The following DEDD2 variants were observed in gnomAD, a reference collection of about 807,000 sequenced individuals.
DEDD2 encodes DNA-binding death effector domain-containing protein 2.
DEDD2 carries 18 observed loss-of-function variants against 28.9 expected under a neutral mutation model. That is an observed-to-expected ratio of 0.62 (90% CI 0.43 to 0.92). The LOEUF (loss-of-function observed/expected upper bound fraction) is 0.92. Among genes scored for constraint, DEDD2 ranks in the 40% least tolerant of loss-of-function variants. The pLI is 0.00. For synonymous variants in DEDD2, 211 were observed against 206.1 expected (o/e 1.02, Z -0.20); for missense variants, 411 against 463.3 (o/e 0.89, Z 1.04).
At chr19:42,214,705 G>A (rs886876537) in intron 3 of DEDD2, among the ~76,000 whole-genome samples, 2 of 152,172 alleles carry the variant, frequency 1.3e-5, no homozygotes, top group Non-Finnish European at 2.9e-5. Flanking sequence ...CAAGGCCGCA[G>A]AGAGCTATGA....
chr19:42,205,615 A>G (rs1040208250), intron 4 of DEDD2, among the ~76,000 whole-genome samples: 5 of 151,692 alleles, frequency 3.3e-5, no homozygotes, highest in Non-Finnish European at 7.4e-5. Context: ...CAACAACAGC[A>G]AAACTCCATC....
upstream of DEDD2, among the ~76,000 whole-genome samples, chr19:42,218,750 C>A (rs1012094585): frequency 2.0e-5 from 3 of 152,220 alleles, no homozygotes; most frequent in African/African-American, 7.2e-5. Context: ...TCAAAAGAAT[C>A]GGCTGCGCGC....
upstream of DEDD2, chr19:42,220,044 C>G (rs2036101833): frequency 6.6e-6 from 1 of 152,420 alleles, no homozygotes; most frequent in Admixed American, 6.5e-5. Flanking sequence ...TCTCCCGCCG[C>G]CCAGTTCACT....
At position 42,217,015 on chromosome 19, in the gene DEDD2, G is replaced by A. The variant is rs571716394; in HGVS notation, c.-8C>T. 4 of 1,568,452 alleles carry A rather than the reference G, an allele frequency of 2.6e-6. No individual in the cohort carries two copies. In the South Asian group the frequency reaches 3.5e-5, roughly 14 times the overall value. ...CGACCCGGATAGCGCCATTCCCGGG[G>A]GAGGGAGGCGGAACAAGCTCAGAAC... On this transcript the variant is annotated 5_prime_UTR_variant, in exon 2 of 5. Coordinates refer to ENST00000596251, the MANE Select transcript of DEDD2 (RefSeq NM_133328.4).
At position 42,217,016 on chromosome 19, in the gene DEDD2, G is replaced by A. The variant is rs1253278957; in HGVS notation, c.-9C>T. 7.7e-6 allele frequency: 12 copies of A among 1,568,616 alleles called. No homozygotes were observed. In the South Asian group the frequency reaches 1.1e-4, roughly 14 times the overall value. On this transcript the variant is annotated 5_prime_UTR_variant, in exon 2 of 5. Transcript: ENST00000596251. ...GACCCGGATAGCGCCATTCCCGGGG[G>A]AGGGAGGCGGAACAAGCTCAGAACC...
chr19:42,218,376 C>G (rs2036062762), upstream of DEDD2, among the ~76,000 whole-genome samples: 1 of 151,766 alleles, frequency 6.6e-6, no homozygotes, highest in Non-Finnish European at 1.5e-5. Context: ...TGGCGTCCAT[C>G]ACGACCCCCA....
intron 3 of DEDD2, 69 bp from the exon 4 acceptor site, chr19:42,209,909 A>G: frequency 6.9e-7 from 1 of 1,455,882 alleles, no homozygotes; most frequent in Non-Finnish European, 9.1e-7. Flanking sequence ...GTATGCCTGG[A>G]AAAGAACTCA....
chr19:42,210,697 A>G (rs928840071), intron 3 of DEDD2, among the ~76,000 whole-genome samples: 2 of 152,040 alleles, frequency 1.3e-5, no homozygotes, highest in Admixed American at 1.3e-4. Context: ...GCCCAGCCCC[A>G]CACTTTAGTT....
intron 4 of DEDD2, among the ~76,000 whole-genome samples, chr19:42,206,399 C>T (rs113799285): frequency 2.0e-5 from 3 of 152,324 alleles, no homozygotes; most frequent in Admixed American, 6.5e-5. Context: ...TCTCCCACCA[C>T]AGCACAAGCT....
At chr19:42,201,540 G>A (rs1056621738) in intron 4 of DEDD2, among the ~76,000 whole-genome samples, 1 of 152,208 alleles carries the variant, frequency 6.6e-6, no homozygotes, top group African/African-American at 2.4e-5. Flanking sequence ...GCCACCTTCA[G>A]CCCACTTGAC....
In DEDD2 at chr19:42,199,700, C is replaced by T. The variant is rs764418215; in HGVS notation, c.719G>A (p.Arg240His). 5.0e-6 allele frequency: 8 copies of T among 1,614,132 alleles called. No homozygotes were observed. The highest frequency in any genetic ancestry group is 2.2e-5 in the East Asian group (1 of 44,880). ...DVFGQATAVL[R>H]SRDLGSVVCD... Reference sequence around the variant, plus strand: ...AACCACAGAGCCCAGGTCCCTTGAGCGCAGCACTGCGGTGGCCTGCCCAAA... The same window carrying T: ...AACCACAGAGCCCAGGTCCCTTGAGTGCAGCACTGCGGTGGCCTGCCCAAA... The change falls in exon 5 of 5, where the codon CGC becomes CAC. Residue 240 changes from arginine to histidine, a missense_variant. Around this residue, in one of 2 missense-constraint regions of DEDD2, gnomAD observed 129 missense variants for 189.9 expected, o/e 0.68. Transcript: ENST00000596251. This position sits in a 1 kb window ranked among gnomAD's most constrained non-coding sequence, Gnocchi z 7.4.
chr19:42,215,956 C>T (rs2035950588), intron 2 of DEDD2, among the ~76,000 whole-genome samples: 1 of 152,214 alleles, frequency 6.6e-6, no homozygotes, highest in African/African-American at 2.4e-5. Context: ...CCCTTCATGA[C>T]ATAACTTCTT....
intron 4 of DEDD2, among the ~76,000 whole-genome samples, chr19:42,203,027 C>G (rs2035392601): frequency 6.6e-6 from 1 of 152,216 alleles, no homozygotes; most frequent in Non-Finnish European, 1.5e-5. Context: ...TTGATTGTCC[C>G]CACAACAATC....
At chr19:42,208,185 G>A (rs955370874) in intron 4 of DEDD2, among the ~76,000 whole-genome samples, 3 of 152,098 alleles carry the variant, frequency 2.0e-5, no homozygotes, top group Non-Finnish European at 2.9e-5. Flanking sequence ...CAGTTGAGGC[G>A]GTGCTCATTG....
Position 42,215,203 on chromosome 19 carries a change from T to C in DEDD2, c.378A>G (p.Thr126=), listed in dbSNP as rs200135875. The change falls in exon 3 of 5, where the codon ACA becomes ACG. Residue 126 remains threonine (T), a synonymous_variant. Coordinates refer to ENST00000596251, the MANE Select transcript of DEDD2 (RefSeq NM_133328.4). ...GCCGACGGCGACGGCAGCTACCCTC[T>C]GTCCTCTTTGAAGAGCTGGAGGTGC... The part of the protein sequence containing the change: ...SYGTSSSSKR[T]EGSCRRRRQS... The C allele has an allele frequency of 5.6e-6, 9 of 1,614,168 alleles. No individual in the cohort carries two copies. Among genetic ancestry groups the C allele is most frequent in the East Asian group, 2.2e-5 (1 of 44,886 alleles).
chr19:42,210,566 T>C (rs1018953845), intron 3 of DEDD2, among the ~76,000 whole-genome samples: 3 of 151,900 alleles, frequency 2.0e-5, no homozygotes, highest in Non-Finnish European at 4.4e-5. Flanking sequence ...GCTAATTTTT[T>C]GTATTTTAAG....
In DEDD2 at chr19:42,199,757, C is replaced by T. The variant is rs910047380; in HGVS notation, c.662G>A (p.Arg221Gln). Residue 221 changes from arginine to glutamine, a missense_variant, in exon 5 of 5, where the codon CGG becomes CAG. Arg to Gln is a conservative substitution (Grantham distance 43). Coordinates refer to ENST00000596251, the MANE Select transcript of DEDD2 (RefSeq NM_133328.4). This position sits in a 1 kb window ranked among gnomAD's most constrained non-coding sequence, Gnocchi z 7.4. Reference protein sequence around the residue: ...PALEQGVASRRPQALARQLDV... With the variant: ...PALEQGVASRQPQALARQLDV... ...CAGCTGCCGCGCCAGCGCCTGGGGC[C>T]GCCGGGATGCCACGCCCTGCTCCAA... The T allele has an allele frequency of 9.9e-6, 16 of 1,611,866 alleles. No individual in the cohort carries two copies. The highest frequency in any genetic ancestry group is 6.7e-5 in the African/African-American group (5 of 74,892).
upstream of DEDD2, chr19:42,219,966 C>T (rs979947618): frequency 6.6e-6 from 1 of 152,196 alleles, no homozygotes; most frequent in Non-Finnish European, 1.5e-5. Flanking sequence ...CCAAGTGTGT[C>T]GGGCTCTAAA....
chr19:42,199,697 G>C lies in DEDD2; in HGVS notation c.722C>G (p.Ser241Ter), dbSNP rs2035247878. 6.2e-7 allele frequency: 1 copy of C among 1,614,014 alleles called. No homozygotes were observed. Among genetic ancestry groups the C allele is most frequent in the African/African-American group, 1.3e-5 (1 of 74,940 alleles). The change falls in exon 5 of 5, where the codon TCA becomes TGA. Residue 241 changes from serine (S) to a stop codon, truncating the protein, a stop_gained. Coordinates refer to ENST00000596251, the MANE Select transcript of DEDD2 (RefSeq NM_133328.4). LOFTEE classifies it high-confidence loss of function. The surrounding 1 kb of genome is among the most constrained non-coding windows in gnomAD (Gnocchi z 7.4). ...ACAAACCACAGAGCCCAGGTCCCTT[G>C]AGCGCAGCACTGCGGTGGCCTGCCC... is the stretch of plus-strand genomic sequence containing the variant. ...VFGQATAVLR[S>*]RDLGSVVCDI...
Sources: allele counts gnomAD v4.1 joint callset (sites outside exome capture counted in the v4.1 genomes callset), GRCh38; gene constraint gnomAD v4.1.1; regional missense constraint gnomAD v4.1.1; non-coding constraint Gnocchi (gnomAD v3.1); transcripts MANE v1.5; gene names NCBI Gene and HGNC (gene_info 2026-07-23, HGNC 2026-07-21).